Variants in ITGA8 observed in about 807,000 individuals in gnomAD.
ITGA8 encodes integrin subunit alpha 8, also known as integrin alpha-8.
A neutral mutation model predicts 142.3 loss-of-function variants in ITGA8; 91 were observed. The observed-to-expected ratio is 0.64, with a 90% CI of 0.54 to 0.76. ITGA8 has a LOEUF of 0.76. Among genes scored for constraint, ITGA8 ranks in the 30% least tolerant of loss-of-function variants. The pLI is 0.00. For synonymous variants in ITGA8, 505 were observed against 485.2 expected, an observed-to-expected ratio of 1.04 and a Z score of -0.54; for missense variants, 1,406 against 1,327.7, an observed-to-expected ratio of 1.06 and a Z score of -0.92.
intron 24 of ITGA8, 68 bp from the exon 25 acceptor site, chr10:15,572,437 A>G: frequency 1.5e-6 from 2 of 1,352,150 alleles, no homozygotes; most frequent in Non-Finnish European, 1.0e-6. Flanking sequence ...AACTCCATAT[A>G]CTCTATACCC....
intron 27 of ITGA8, among the ~76,000 whole-genome samples, chr10:15,547,041 T>C (rs1833686531): frequency 6.6e-6 from 1 of 152,130 alleles, no homozygotes; most frequent in Admixed American, 6.5e-5. Context: ...TCTATATTTA[T>C]AACTAGACTC....
chr10:15,554,717 TC>T (rs1483328966), intron 26 of ITGA8, among the ~76,000 whole-genome samples: 3 of 116,688 alleles, frequency 2.6e-5, no homozygotes. Flanking sequence ...TCTTTGCAAA[TC>T]CTTTCTTTCT....
intron 26 of ITGA8, among the ~76,000 whole-genome samples, chr10:15,549,137 G>A (rs548074031): frequency 6.6e-6 from 1 of 150,778 alleles, no homozygotes; most frequent in East Asian, 1.9e-4. Context: ...TTCCTCAAAA[G>A]GATTCATTAT....
intron 8 of ITGA8, among the ~76,000 whole-genome samples, chr10:15,668,469 A>G (rs1834440534): frequency 6.7e-6 from 1 of 148,606 alleles, no homozygotes; most frequent in Non-Finnish European, 1.5e-5. Flanking sequence ...TTGACTCTTT[A>G]TGCGATTTGC....
chr10:15,677,152 G>A (rs1834645523), intron 6 of ITGA8, among the ~76,000 whole-genome samples: 2 of 152,224 alleles, frequency 1.3e-5, no homozygotes, highest in Non-Finnish European at 2.9e-5. Context: ...TAGAGATTCA[G>A]GTATAGCCAG....
At chr10:15,565,047 G>C (rs115064738) in intron 25 of ITGA8, among the ~76,000 whole-genome samples, 1 of 152,264 alleles carries the variant, frequency 6.6e-6, no homozygotes, top group South Asian at 2.1e-4. Flanking sequence ...ATTTGAACAT[G>C]GTGTTTTTAC....
At chr10:15,603,519 A>G (rs1833140600) in intron 20 of ITGA8, among the ~76,000 whole-genome samples, 1 of 152,222 alleles carries the variant, frequency 6.6e-6, no homozygotes, top group Non-Finnish European at 1.5e-5. Flanking sequence ...TTATTCTACA[A>G]TGTATTTTTA....
At chr10:15,653,120 C>CG (rs1200476194) in intron 11 of ITGA8, among the ~76,000 whole-genome samples, 4 of 152,168 alleles carry the variant, frequency 2.6e-5, no homozygotes, top group African/African-American at 7.2e-5. Context: ...TTGAATATGC[C>CG]TGGAGCTCCC....
At chr10:15,561,652 G>A (rs148384071) in intron 25 of ITGA8, among the ~76,000 whole-genome samples, 188 of 152,182 alleles carry the variant, frequency 1.2e-3, no homozygotes, top group African/African-American at 4.4e-3. Context: ...TGAAGATACG[G>A]GAAATGGAGA....
Position 15,514,905 on chromosome 10 carries a change from T to G in ITGA8, c.*2253A>C, listed in dbSNP as rs1832935392. Reference sequence around the variant, plus strand: ...TGCCTTGCTTCATTCTGGGTCTCAGTCTTCCTCCTGGCATCTCTAGTTCCT... The same window carrying G: ...TGCCTTGCTTCATTCTGGGTCTCAGGCTTCCTCCTGGCATCTCTAGTTCCT... On this transcript the variant is annotated 3_prime_UTR_variant, in exon 30 of 30. Coordinates refer to ENST00000378076, the MANE Select transcript of ITGA8 (RefSeq NM_003638.3). 1 of 152,360 alleles carries G rather than the reference T, an allele frequency of 6.6e-6. No homozygotes were observed. The highest frequency in any genetic ancestry group is 2.4e-5 in the African/African-American group (1 of 41,466). 9.4% of individuals were successfully genotyped at this position (152,360 alleles called of 1,614,324 possible).
At chr10:15,640,327 A>G (rs546098169) in intron 13 of ITGA8, among the ~76,000 whole-genome samples, 1 of 152,286 alleles carries the variant, frequency 6.6e-6, no homozygotes, top group African/African-American at 2.4e-5. Flanking sequence ...TCCCAGCCAC[A>G]TTGGGGTGTG....
intron 13 of ITGA8, among the ~76,000 whole-genome samples, chr10:15,633,744 T>A (rs1833723169): frequency 6.6e-6 from 1 of 152,142 alleles, no homozygotes; most frequent in African/African-American, 2.4e-5. Context: ...AAATTCTACC[T>A]ATATTACATA....
chr10:15,652,288 C>G (rs780941442), intron 11 of ITGA8, among the ~76,000 whole-genome samples: 1 of 152,162 alleles, frequency 6.6e-6, no homozygotes, highest in South Asian at 2.1e-4. Context: ...GGGCATAAGG[C>G]GAAGCTTGGG....
At chr10:15,655,894 C>T (rs1435337284) in intron 10 of ITGA8, among the ~76,000 whole-genome samples, 2 of 152,052 alleles carry the variant, frequency 1.3e-5, no homozygotes, top group East Asian at 1.9e-4. Flanking sequence ...AAGACCAACC[C>T]TGGCAATATG....
rs770732194 is a variant in ITGA8, at chr10:15,646,950, G to C, written c.1103C>G (p.Ser368Cys). 6.2e-7 allele frequency: 1 copy of C among 1,613,986 alleles called. No individual in the cohort carries two copies. Among genetic ancestry groups the C allele is most frequent in the Non-Finnish European group, 8.5e-7 (1 of 1,179,990 alleles). ...GQIYLYLQVS[S>C]LLFRDPQILT... ...GATCTGGGGGTCTCTGAAGAGGAGA[G>C]AGCTCACTTGCAAATACAGGTAGAT... The change falls in exon 12 of 30, where the codon TCT (serine) becomes TGT (cysteine). Residue 368 changes from serine (S) to cysteine (C), a missense_variant. Transcript: ENST00000378076.
At chr10:15,622,592 CA>C (rs1166418334) in intron 13 of ITGA8, among the ~76,000 whole-genome samples, 1 of 21,800 alleles carries the variant, frequency 4.6e-5, no homozygotes, top group East Asian at 1.6e-3. Context: ...CAAAACAAAA[CA>C]AAACAAAACA....
chr10:15,604,148 C>T, intron 20 of ITGA8, 60 bp downstream of exon 20: 2 of 1,496,938 alleles, frequency 1.3e-6, no homozygotes, highest in Non-Finnish European at 1.8e-6. Flanking sequence ...CCCTTCTTAA[C>T]ATTTACTTGA....
chr10:15,561,210 T>C (rs1261655365), intron 25 of ITGA8, among the ~76,000 whole-genome samples: 1 of 7,414 alleles, frequency 1.3e-4, no homozygotes, highest in Non-Finnish European at 1.6e-3. Context: ...ATCTGTTGGC[T>C]ATATATATAT....
At chr10:15,631,790 C>T (rs1458005490) in intron 13 of ITGA8, among the ~76,000 whole-genome samples, 1 of 148,796 alleles carries the variant, frequency 6.7e-6, no homozygotes, top group East Asian at 2.0e-4. Flanking sequence ...TCTAGCCCCA[C>T]CCCCCCCAAA....
Sources: allele counts gnomAD v4.1 joint callset (sites outside exome capture counted in the v4.1 genomes callset), GRCh38; gene constraint gnomAD v4.1.1; transcripts MANE v1.5; gene names NCBI Gene and HGNC (gene_info 2026-07-23, HGNC 2026-07-21).